The following RGS3 variants were observed in gnomAD, a reference collection of about 807,000 sequenced individuals.
The protein encoded by RGS3 is regulator of G-protein signalling 3.
In RGS3, 80 loss-of-function variants were observed where a neutral mutation model predicts 132.6. The observed-to-expected ratio is 0.60, with a 90% confidence interval of 0.50 to 0.73. RGS3 has a LOEUF of 0.73. Among genes scored for constraint, RGS3 ranks in the 30% least tolerant of loss-of-function variants. RGS3 has a pLI of 0.00. For synonymous variants in RGS3, 598 were observed against 620.6 expected (o/e 0.96, Z 0.54); for missense variants, 1,382 against 1,530.8 (o/e 0.90, Z 1.62).
At chr9:113,455,890 A>G (rs1829353128), upstream of RGS3, among the ~76,000 whole-genome samples, 4 of 152,332 alleles carry the variant, frequency 2.6e-5, no homozygotes, top group South Asian at 8.3e-4. Flanking sequence ...ACCCAAGAAT[A>G]TCGTCTGGCT....
In RGS3 at chr9:113,537,026, G is replaced by C. The variant is rs988538413; in HGVS notation, c.2037+108G>C. ...GGGGGCCAGCCTGAGCTTCCAACTT[G>C]GCTCTGGGCAATGAGCTCTTGGCAA... On this transcript the variant is annotated intron_variant, in intron 19 of 24. Coordinates refer to ENST00000350696, the Ensembl canonical transcript of RGS3. This position sits in a 1 kb window ranked among gnomAD's most constrained non-coding sequence, Gnocchi z 4.3. 5 of 1,087,040 alleles carry C rather than the reference G, an allele frequency of 4.6e-6. No homozygotes were observed. The highest frequency in any genetic ancestry group is 6.6e-6 in the Non-Finnish European group (5 of 755,064). 67.3% of individuals were successfully genotyped at this position (1,087,040 alleles called of 1,614,324 possible). A position where few individuals can be genotyped will look rare whatever the true frequency, so the allele number is the denominator to read the frequency against.
At chr9:113,469,216 G>A (rs1202021765) in intron 3 of RGS3, among the ~76,000 whole-genome samples, 2 of 151,982 alleles carry the variant, frequency 1.3e-5, no homozygotes, top group Non-Finnish European at 2.9e-5. Flanking sequence ...TGGTGTGTTG[G>A]GCAGTGCACG....
chr9:113,485,022 T>G (rs2119231310), intron 6 of RGS3, among the ~76,000 whole-genome samples: 2 of 152,200 alleles, frequency 1.3e-5, no homozygotes, highest in Admixed American at 1.3e-4. Context: ...TTAATGTGTA[T>G]GTTTGCGTGT....
chr9:113,504,311 C>T (rs1831037026), intron 10 of RGS3, among the ~76,000 whole-genome samples: 1 of 152,210 alleles, frequency 6.6e-6, no homozygotes, highest in Non-Finnish European at 1.5e-5. Context: ...CCCTGTGCCT[C>T]ACCAGGGCCC....
intron 17 of RGS3, among the ~76,000 whole-genome samples, chr9:113,528,099 G>A (rs905603475): frequency 3.9e-5 from 6 of 152,202 alleles, no homozygotes; most frequent in Non-Finnish European, 7.3e-5. Context: ...TGTTGTGAGG[G>A]TCAAGCATAT....
intron 7 of RGS3, among the ~76,000 whole-genome samples, chr9:113,491,332 A>G (rs1358568679): frequency 6.6e-6 from 1 of 151,612 alleles, no homozygotes; most frequent in African/African-American, 2.4e-5. Flanking sequence ...GCTCACTGCA[A>G]ACTCTGTCTC....
intron 3 of RGS3, among the ~76,000 whole-genome samples, chr9:113,475,800 A>C (rs1829974626): frequency 6.6e-6 from 1 of 152,086 alleles, no homozygotes; most frequent in South Asian, 2.1e-4. Context: ...GGTGTTCTGA[A>C]AGGATGCCAA....
rs1365117202 is a variant in RGS3, at chr9:113,445,992, T to C, written c.-13+1065T>C. ...CCGTGCCCAGAATGTTTTTGAATTA[T>C]AGAAAACCCCTTGGGTTTGGTGGGA... On this transcript the variant is annotated intron_variant, in intron 1 of 25. Transcript: ENST00000374140. Among the ~76,000 whole-genome samples, 4 of 152,328 alleles carry C rather than the reference T, an allele frequency of 2.6e-5. No homozygotes were observed. In the East Asian group the frequency reaches 7.7e-4, roughly 29 times the overall value.
chr9:113,475,604 CT>C (rs906430328), intron 3 of RGS3, among the ~76,000 whole-genome samples: 3 of 152,074 alleles, frequency 2.0e-5, no homozygotes, highest in African/African-American at 7.2e-5. Context: ...GAGAAGGGCT[CT>C]TGCTGTATTG....
chr9:113,489,776 T>C (rs1830449793), intron 7 of RGS3, among the ~76,000 whole-genome samples: 1 of 151,928 alleles, frequency 6.6e-6, no homozygotes, highest in African/African-American at 2.4e-5. Flanking sequence ...GTGCTCCTTC[T>C]GCCTCAGCCT....
intron 3 of RGS3, among the ~76,000 whole-genome samples, chr9:113,478,290 TCTTTCCTTTCTTTTTAA>T (rs1830057018): frequency 6.6e-6 from 1 of 152,112 alleles, no homozygotes; most frequent in South Asian, 2.1e-4. Flanking sequence ...CTTTGTTTCC[TCTTTCCTTTCTTTTTAA>T]TTATAGAAGT....
At chr9:113,542,134 A>T (rs1470888630) in intron 19 of RGS3, 2 of 152,848 alleles carry the variant, frequency 1.3e-5, no homozygotes, top group Non-Finnish European at 2.9e-5. Context: ...ATGGGGAAGG[A>T]CATAACTTTT....
intron 20 of RGS3, among the ~76,000 whole-genome samples, chr9:113,588,882 A>G (rs1416153889): frequency 1.3e-5 from 2 of 152,276 alleles, no homozygotes; most frequent in Non-Finnish European, 2.9e-5. Context: ...AGCTAAGGTC[A>G]ATGAGCTAAT....
intron 14 of RGS3, among the ~76,000 whole-genome samples, chr9:113,513,042 C>T (rs1831474492): frequency 6.6e-6 from 1 of 151,948 alleles, no homozygotes; most frequent in African/African-American, 2.4e-5. Flanking sequence ...ACTAAAAATA[C>T]AAAATTAGCC....
exon 14 of RGS3, chr9:113,508,548 G>C: frequency 6.2e-7 from 1 of 1,612,590 alleles, no homozygotes; most frequent in Non-Finnish European, 8.5e-7. Flanking sequence ...CAGCTGCTCC[G>C]GCCTGTGTAC....
intron 1 of RGS3, among the ~76,000 whole-genome samples, chr9:113,448,449 C>T (rs538881993): frequency 4.6e-5 from 7 of 152,070 alleles, no homozygotes; most frequent in East Asian, 1.9e-4. Flanking sequence ...ACTTTTTCTT[C>T]GACTTCTTCT....
At chr9:113,449,349 G>A (rs755348589) in intron 1 of RGS3, among the ~76,000 whole-genome samples, 32 of 152,260 alleles carry the variant, frequency 2.1e-4, no homozygotes, top group Admixed American at 7.2e-4. Context: ...CTTTATTATC[G>A]GAAATGTGAA....
At chr9:113,544,101 G>T (rs1191301177) in intron 19 of RGS3, among the ~76,000 whole-genome samples, 1 of 152,130 alleles carries the variant, frequency 6.6e-6, no homozygotes, top group Non-Finnish European at 1.5e-5. Flanking sequence ...GCCCCTCCCT[G>T]CTACATAAAT....
chr9:113,519,461 G>C (rs1472248296), intron 16 of RGS3, among the ~76,000 whole-genome samples: 1 of 147,610 alleles, frequency 6.8e-6, no homozygotes, highest in Non-Finnish European at 1.5e-5. Flanking sequence ...GTTGAAGTAT[G>C]ATGGCAACCA....
Sources: allele counts gnomAD v4.1 joint callset (sites outside exome capture counted in the v4.1 genomes callset), GRCh38; gene constraint gnomAD v4.1.1; non-coding constraint Gnocchi (gnomAD v3.1); transcripts MANE v1.5; gene names NCBI Gene and HGNC (gene_info 2026-07-23, HGNC 2026-07-21).